The following LYPD1 variants were observed in gnomAD, a reference collection of about 807,000 sequenced individuals.
LYPD1 encodes the protein LY6/PLAUR domain containing 1.
In LYPD1, 14 loss-of-function variants were observed where a neutral mutation model predicts 14.2. That is an observed-to-expected ratio of 0.99 (90% CI 0.65 to 1.54). LYPD1 has a LOEUF of 1.54. Ranked by LOEUF, LYPD1 falls within the 40% of genes most tolerant of loss-of-function variation. The probability of loss-of-function intolerance (pLI) is 0.00; values close to 1 mark genes in which losing one functional copy is unlikely to be tolerated. For synonymous variants in LYPD1, 85 were observed against 70.6 expected (o/e 1.20, Z -1.02); for missense variants, 165 against 175.7 (o/e 0.94, Z 0.34).
chr2:132,658,816 G>A (rs1414381141), intron 2 of LYPD1, among the ~76,000 whole-genome samples: 1 of 152,162 alleles, frequency 6.6e-6, no homozygotes, highest in East Asian at 1.9e-4. Flanking sequence ...AAAACCATGT[G>A]GGGGGATTTT....
chr2:132,650,416 T>C (rs1682311648), intron 2 of LYPD1, among the ~76,000 whole-genome samples: 2 of 152,216 alleles, frequency 1.3e-5, no homozygotes, highest in African/African-American at 2.4e-5. Flanking sequence ...GCTATCAACA[T>C]TGCAAATGCA....
chr2:132,662,126 C>T (rs963340699), intron 2 of LYPD1, among the ~76,000 whole-genome samples: 1 of 152,140 alleles, frequency 6.6e-6, no homozygotes, highest in Non-Finnish European at 1.5e-5. Flanking sequence ...TTCAAGGACT[C>T]CCTCATTCTG....
intron 2 of LYPD1, among the ~76,000 whole-genome samples, chr2:132,653,426 G>A (rs946026505): frequency 3.9e-5 from 6 of 152,330 alleles, no homozygotes; most frequent in Middle Eastern, 3.4e-3. Context: ...ATACCCATGA[G>A]TTCATGCTGA....
intron 2 of LYPD1, among the ~76,000 whole-genome samples, chr2:132,664,869 A>G (rs1328595539): frequency 6.6e-6 from 1 of 152,270 alleles, no homozygotes; most frequent in Non-Finnish European, 1.5e-5. Flanking sequence ...AATATTTGAA[A>G]TATTTTGCAG....
Position 132,645,152 on chromosome 2 carries a change from G to C in LYPD1, c.*893C>G. On this transcript the variant is annotated 3_prime_UTR_variant, in exon 3 of 3. Coordinates refer to ENST00000397463, the MANE Select transcript of LYPD1 (RefSeq NM_144586.7). ...TGCTGGATGCCCAACCAGATTCGGA[G>C]GATCATGGCTGCGGCCAAACCCAAG... is the stretch of plus-strand genomic sequence containing the variant. 1 of 1,614,182 alleles carries C rather than the reference G, an allele frequency of 6.2e-7. No homozygotes were observed. Among genetic ancestry groups the C allele is most frequent in the East Asian group, 2.2e-5 (1 of 44,876 alleles).
At position 132,646,233 on chromosome 2, in the gene LYPD1, CGATGA is replaced by C; in HGVS notation, c.233_237del (p.Leu78ArgfsTer28). On this transcript the variant is annotated frameshift_variant, in exon 3 of 3. Coordinates refer to ENST00000397463, the MANE Select transcript of LYPD1 (RefSeq NM_144586.7). LOFTEE classifies it high-confidence loss of function. Reference sequence around the variant, plus strand: ...CAGAAGGACTGGTACCCGGCAGAGGCGATGAGACAGGCCGCTGATGATGCACAGGA... The same window carrying C: ...CAGAAGGACTGGTACCCGGCAGAGGCGACAGGCCGCTGATGATGCACAGGA... The C allele has an allele frequency of 6.3e-7, 1 of 1,585,340 alleles. No individual in the cohort carries two copies. The highest frequency in any genetic ancestry group is 8.6e-7 in the Non-Finnish European group (1 of 1,163,210).
intron 2 of LYPD1, among the ~76,000 whole-genome samples, chr2:132,651,164 T>C (rs1022384231): frequency 6.6e-6 from 1 of 152,348 alleles, no homozygotes; most frequent in East Asian, 1.9e-4. Flanking sequence ...TGACCCTTTC[T>C]TACCATTTAA....
chr2:132,655,513 C>CCTTTTTTT (rs1558879316), intron 2 of LYPD1, among the ~76,000 whole-genome samples: 2 of 61,016 alleles, frequency 3.3e-5, no homozygotes, highest in Non-Finnish European at 3.0e-5. Flanking sequence ...GGTTGAGAAG[C>CCTTTTTTT]ATTTTTTTTT....
intron 2 of LYPD1, 109 bp downstream of exon 2, chr2:132,668,291 T>G (rs1683399679): frequency 7.5e-7 from 1 of 1,337,328 alleles, no homozygotes; most frequent in East Asian, 2.5e-5. Flanking sequence ...ATAACCAGTG[T>G]GTGGGCATTA....
chr2:132,651,069 A>G (rs1682344273), intron 2 of LYPD1, among the ~76,000 whole-genome samples: 3 of 152,240 alleles, frequency 2.0e-5, no homozygotes, highest in Admixed American at 2.0e-4. Flanking sequence ...AAATGTATGG[A>G]AAAATACACA....
At chr2:132,648,264 C>A (rs771286515) in intron 2 of LYPD1, among the ~76,000 whole-genome samples, 3 of 146,964 alleles carry the variant, frequency 2.0e-5, no homozygotes, top group Admixed American at 6.8e-5. Context: ...AATTTTTAAA[C>A]TTTTAAAAAA....
rs1413561336 is a variant in LYPD1, at chr2:132,670,119, G to T, written c.-187C>A. 2.1e-6 allele frequency: 3 copies of T among 1,413,090 alleles called. No homozygotes were observed. The highest frequency in any genetic ancestry group is 1.6e-5 in the African/African-American group (1 of 62,042). The allele number at this position is 1,413,090 out of a possible 1,614,324, so 87.5% of individuals were successfully genotyped here. Reference sequence around the variant, plus strand: ...CGCGGAGCCTGCATCGCCCGCGCTCGGGCTCCCGGCTGCGGGTCTCTGCTC... The same window carrying T: ...CGCGGAGCCTGCATCGCCCGCGCTCTGGCTCCCGGCTGCGGGTCTCTGCTC... On this transcript the variant is annotated 5_prime_UTR_variant, in exon 1 of 3. Coordinates refer to ENST00000397463, the MANE Select transcript of LYPD1 (RefSeq NM_144586.7). The surrounding 1 kb of genome is among the most constrained non-coding windows in gnomAD (Gnocchi z 4.5).
chr2:132,645,431 C>A lies in LYPD1; in HGVS notation c.*614G>T. 6.2e-7 allele frequency: 1 copy of A among 1,613,632 alleles called. No individual in the cohort carries two copies. The highest frequency in any genetic ancestry group is 8.5e-7 in the Non-Finnish European group (1 of 1,180,034). ...GTGCAGCGCCCGTTGCTCTTCGCGTCCCGGCGCCAGTCCTCTGCAAGGAGA... is the reference window on the plus strand; with the variant it reads ...GTGCAGCGCCCGTTGCTCTTCGCGTACCGGCGCCAGTCCTCTGCAAGGAGA... On this transcript the variant is annotated 3_prime_UTR_variant, in exon 3 of 3. Transcript: ENST00000397463.
At chr2:132,652,238 G>A (rs1682386713) in intron 2 of LYPD1, among the ~76,000 whole-genome samples, 1 of 152,088 alleles carries the variant, frequency 6.6e-6, no homozygotes, top group Non-Finnish European at 1.5e-5. Context: ...TAGAACGTAA[G>A]CTCCAGCAAT....
rs372312219 is a variant in LYPD1 at position 132,644,207 on chromosome 2, G to T, written c.*1838C>A. On this transcript the variant is annotated 3_prime_UTR_variant, in exon 3 of 3. Transcript: ENST00000397463. ...AGTCAGAATTGCAGAACTGGTGGTG[G>T]TTACTTAAGTTGGAATACAAATATG... 2.6e-5 allele frequency among the ~76,000 whole-genome samples: 4 copies of T among 152,318 alleles called. No homozygotes were observed. The highest frequency in any genetic ancestry group is 9.6e-5 in the African/African-American group (4 of 41,564).
intron 2 of LYPD1, among the ~76,000 whole-genome samples, chr2:132,668,022 T>C (rs867882477): frequency 6.6e-6 from 1 of 152,370 alleles, no homozygotes. Flanking sequence ...GAGCTTCAAC[T>C]AGCTCCATAT....
At chr2:132,656,208 C>T (rs1214042022) in intron 2 of LYPD1, among the ~76,000 whole-genome samples, 1 of 152,156 alleles carries the variant, frequency 6.6e-6, no homozygotes, top group East Asian at 1.9e-4. Context: ...TGTACAAAGA[C>T]AGAAATTTCT....
rs757809613 is a variant in LYPD1, at chr2:132,643,357, G to A, written c.*2688C>T. On this transcript the variant is annotated 3_prime_UTR_variant, in exon 3 of 3. Transcript: ENST00000397463. ...GGAGAAACCTGTGGAAATTAACAAAGGAGAAGAGTTTCCAAGGCCTTCCTT... is the reference window on the plus strand; with the variant it reads ...GGAGAAACCTGTGGAAATTAACAAAAGAGAAGAGTTTCCAAGGCCTTCCTT... Among the ~76,000 whole-genome samples the A allele has an allele frequency of 4.6e-5, 7 of 152,172 alleles. No individual in the cohort carries two copies. The highest frequency in any genetic ancestry group is 7.3e-5 in the Non-Finnish European group (5 of 68,030).
At chr2:132,655,172 A>C (rs1334007106) in intron 2 of LYPD1, among the ~76,000 whole-genome samples, 2 of 152,148 alleles carry the variant, frequency 1.3e-5, no homozygotes, top group African/African-American at 4.8e-5. Context: ...CATAGCAAAC[A>C]GGTATTCTGC....
Sources: gnomAD v4.1 joint callset for allele counts (sites outside exome capture counted in the v4.1 genomes callset) on GRCh38, gnomAD v4.1.1 for gene constraint, Gnocchi (gnomAD v3.1) non-coding constraint, MANE v1.5 for transcripts, NCBI Gene and HGNC (gene_info 2026-07-23, HGNC 2026-07-21) for gene names.